SLX4: variants seen among roughly 807,000 people sequenced by gnomAD.
The protein encoded by SLX4 is structure-specific endonuclease subunit SLX4.
In SLX4, 112 loss-of-function variants were observed where a neutral mutation model predicts 146.2. That is an observed-to-expected ratio of 0.77 (90% CI 0.66 to 0.90). The LOEUF (loss-of-function observed/expected upper bound fraction) is 0.90. Ranked by LOEUF, SLX4 falls within the 40% of genes least tolerant of loss-of-function variation. SLX4 has a pLI of 0.00. For missense variants in SLX4, 2,563 were observed against 2,392.7 expected (o/e 1.07, Z -1.49); for synonymous variants, 1,061 against 997.7 (o/e 1.06, Z -1.20).
At chr16:3,600,930 G>C in intron 5 of SLX4, 49 bp downstream of exon 5, 1 of 1,598,726 alleles carries the variant, frequency 6.3e-7, no homozygotes, top group Non-Finnish European at 8.6e-7. Context: ...AAAGCCCTGA[G>C]TGCACACAGC....
Position 3,591,127 on chromosome 16 carries a change from C to G in SLX4, c.2511G>C (p.Lys837Asn). Residue 837 changes from lysine to asparagine, a missense_variant, in exon 12 of 15, where the codon AAG (lysine) becomes AAC (asparagine). Physicochemically the swap from Lys to Asn is moderately conservative, Grantham distance 94. Coordinates refer to ENST00000294008, the MANE Select transcript of SLX4 (RefSeq NM_032444.4). ...EEEAETLLKS[K>N]DHEEDQENVN... Reference sequence around the variant, plus strand: ...CGTTTTCTTGATCTTCTTCGTGGTCCTTGGATTTCAACAAAGTCTCCGCTT... The same window carrying G: ...CGTTTTCTTGATCTTCTTCGTGGTCGTTGGATTTCAACAAAGTCTCCGCTT... The G allele has an allele frequency of 6.2e-7, 1 of 1,614,234 alleles. No individual in the cohort carries two copies. Among genetic ancestry groups the G allele is most frequent in the Non-Finnish European group, 8.5e-7 (1 of 1,180,044 alleles).
At position 3,592,369 on chromosome 16, in the gene SLX4, T is replaced by C. The variant is rs142512476; in HGVS notation, c.2327+330A>G. 1.5e-3 allele frequency among the ~76,000 whole-genome samples: 229 copies of C among 152,278 alleles called. 4 individuals carry two copies. The Middle Eastern group carries it at 0.017, about 11-fold the overall frequency. On this transcript the variant is annotated intron_variant, in intron 11 of 14. Coordinates refer to ENST00000294008, the MANE Select transcript of SLX4 (RefSeq NM_032444.4). ...GACTGCTGTTGTTCAGGTCTAGTGGTGGAACAATCACTGAGCAGCAGTGTT... is the reference window on the plus strand; with the variant it reads ...GACTGCTGTTGTTCAGGTCTAGTGGCGGAACAATCACTGAGCAGCAGTGTT...
chr16:3,594,011 A>G (rs556445752), intron 10 of SLX4, among the ~76,000 whole-genome samples: 10 of 151,942 alleles, frequency 6.6e-5, no homozygotes, highest in Admixed American at 1.3e-4. Flanking sequence ...AGCTGGGACT[A>G]CAGGCGCCCG....
Position 3,582,696 on chromosome 16 carries a change from GA to G in SLX4, c.5154-4del, listed in dbSNP as rs2151116057. ...CTCCAAACTCACAGGAGGAAGAACTGAAAAGAGCCAGACCAGGACGTTGTGC... is the reference window on the plus strand; with the variant it reads ...CTCCAAACTCACAGGAGGAAGAACTGAAAGAGCCAGACCAGGACGTTGTGC... On this transcript the variant is annotated splice_region_variant and splice_polypyrimidine_tract_variant and intron_variant, in intron 14 of 14. Transcript: ENST00000294008. The G allele has an allele frequency of 1.2e-6, 2 of 1,610,276 alleles. No homozygotes were observed. Among genetic ancestry groups the G allele is most frequent in the Non-Finnish European group, 1.7e-6 (2 of 1,179,496 alleles).
At position 3,582,597 on chromosome 16, in the gene SLX4, C is replaced by G. The variant is rs370495748; in HGVS notation, c.5250G>C (p.Ala1750=). ...AGCACCTCAGCGCCTCGTCTGTGTC[C>G]GCCGCCTGCACGGCTGCCTGCGAGG... ...VSASQAAVQA[A]DTDEALRCYI... is the part of the protein sequence containing the mutation. The change falls in exon 15 of 15, where the codon GCG becomes GCC. Residue 1750 remains alanine (A), a synonymous_variant. Transcript: ENST00000294008. 9 of 1,613,514 alleles carry G rather than the reference C, an allele frequency of 5.6e-6. No homozygotes were observed. The highest frequency in any genetic ancestry group is 3.3e-4 in the Middle Eastern group (2 of 6,084).
Sources: gnomAD v4.1 joint callset for allele counts (sites outside exome capture counted in the v4.1 genomes callset) on GRCh38, gnomAD v4.1.1 for gene constraint, MANE v1.5 for transcripts, NCBI Gene and HGNC (gene_info 2026-07-23, HGNC 2026-07-21) for gene names.